Variants in QRICH2 observed in about 807,000 individuals in gnomAD.
The protein encoded by QRICH2 is glutamine rich 2.
A neutral mutation model predicts 168.3 loss-of-function variants in QRICH2; 119 were observed. The ratio of observed to expected loss-of-function variants is 0.71; its 90% CI spans 0.61 to 0.82. The LOEUF is 0.82. QRICH2 is among the 40% of genes least tolerant of loss of function. QRICH2 has a pLI of 0.00. For synonymous variants in QRICH2, 894 were observed against 951.2 expected (o/e 0.94, Z 1.11); for missense variants, 2,241 against 2,491.6 (o/e 0.90, Z 2.14).
upstream of QRICH2, chr17:76,308,519 T>C (rs1487701005): frequency 4.1e-6 from 4 of 984,670 alleles, no homozygotes; most frequent in African/African-American, 7.0e-5. Context: ...CTGGCAACCA[T>C]GCTTTGTGTC....
chr17:76,290,177 C>G, intron 4 of QRICH2, 100 bp from the exon 5 acceptor site: 2 of 790,624 alleles, frequency 2.5e-6, no homozygotes, highest in Middle Eastern at 2.6e-4. Context: ...CCCTAGAGGA[C>G]AGCAGGACCT....
chr17:76,308,569 TGGCCCCATGTCTAA>T (rs1256484555), upstream of QRICH2: 27 of 809,946 alleles, frequency 3.3e-5, no homozygotes, highest in Non-Finnish European at 3.9e-5. Context: ...CCCATGTCTA[TGGCCCCATGTCTAA>T]GGGATGCAGT....
In QRICH2 at chr17:76,275,925, C is replaced by G; in HGVS notation, c.5376G>C (p.Lys1792Asn). 1 of 1,608,708 alleles carries G rather than the reference C, an allele frequency of 6.2e-7. No individual in the cohort carries two copies. The highest frequency in any genetic ancestry group is 8.5e-7 in the Non-Finnish European group (1 of 1,179,920). The change falls in exon 18 of 19, where the codon AAG becomes AAC. Residue 1792 changes from lysine to asparagine, a missense_variant. Lys to Asn is a moderately conservative substitution (Grantham distance 94). Coordinates refer to ENST00000680821, the MANE Select transcript of QRICH2 (RefSeq NM_001388453.1). ...GCACGTGGGGCCTGGGCTGCTGGGA[C>G]TTGCGCTTTGAGGTCCCTGAGCCTG... ...RKDSSGTSKR[K>N]SQQPRPHVHR...
At position 76,293,823 on chromosome 17, in the gene QRICH2, C is replaced by T; in HGVS notation, c.904G>A (p.Glu302Lys). The change falls in exon 4 of 19, where the codon GAA (glutamate) becomes AAA (lysine). Residue 302 changes from glutamate to lysine, a missense_variant. Transcript: ENST00000680821. ...AHPSDGVSSR[E>K]QSKVPSGTGR... is the part of the protein sequence containing the mutation. ...GTACCAGAGGGGACCTTGCTTTGTT[C>T]CCTACTGGAAACCCCATCAGAGGGG... 6.2e-7 allele frequency: 1 copy of T among 1,614,026 alleles called. No individual in the cohort carries two copies.
rs930005598 is a variant in QRICH2, at chr17:76,287,850, T to C, written c.3846A>G (p.Ala1282=). Residue 1282 remains alanine (A), a synonymous_variant, in exon 6 of 19, where the codon GCA becomes GCG. Transcript: ENST00000680821. The part of the protein sequence containing the change: ...RILEGEGNQE[A]GKELKAGELR... ...GCTCTCCAGCTTTCAGTTCCTTCCC[T>C]GCTTCTTGATTCCCTTCCCCTTCCA... 2 of 1,614,134 alleles carry C rather than the reference T, an allele frequency of 1.2e-6. No homozygotes were observed. Among genetic ancestry groups the C allele is most frequent in the Admixed American group, 1.7e-5 (1 of 60,006 alleles).
chr17:76,299,631 G>C (rs1325724549), intron 3 of QRICH2, among the ~76,000 whole-genome samples: 2 of 151,788 alleles, frequency 1.3e-5, no homozygotes, highest in Non-Finnish European at 2.9e-5. Context: ...CAGCTACTCG[G>C]GAGACTGAGG....
chr17:76,296,257 C>T (rs571714226), intron 3 of QRICH2, among the ~76,000 whole-genome samples: 7 of 152,184 alleles, frequency 4.6e-5, no homozygotes, highest in African/African-American at 9.6e-5. Context: ...AGCTATGAAA[C>T]GGTGGTTTCC....
intron 15 of QRICH2, among the ~76,000 whole-genome samples, chr17:76,277,667 C>T (rs529119819): frequency 3.3e-5 from 5 of 152,148 alleles, no homozygotes; most frequent in African/African-American, 4.8e-5. Flanking sequence ...CATGCACACA[C>T]ACACACGTAC....
intron 14 of QRICH2, among the ~76,000 whole-genome samples, chr17:76,278,562 C>G (rs2070730917): frequency 6.6e-6 from 1 of 152,224 alleles, no homozygotes; most frequent in African/African-American, 2.4e-5. Flanking sequence ...GGACTCCCAT[C>G]CTTAGGAGAA....
intron 4 of QRICH2, 21 bp downstream of exon 4, chr17:76,290,994 C>A: frequency 6.2e-7 from 1 of 1,603,654 alleles, no homozygotes; most frequent in South Asian, 1.1e-5. Flanking sequence ...GGTTTCTCCT[C>A]TATCGGCAAG....
Position 76,308,044 on chromosome 17 carries a change from A to G in QRICH2, c.-46T>C, listed in dbSNP as rs1473388990. On this transcript the variant is annotated 5_prime_UTR_variant, in exon 1 of 19. Coordinates refer to ENST00000680821, the MANE Select transcript of QRICH2 (RefSeq NM_001388453.1). Reference sequence around the variant, plus strand: ...CGCCGCCGCGGGGCGCCGGCCAACCACTTCCCGCTCACTGCACGCCGCGCC... The same window carrying G: ...CGCCGCCGCGGGGCGCCGGCCAACCGCTTCCCGCTCACTGCACGCCGCGCC... 8.1e-7 allele frequency: 1 copy of G among 1,231,140 alleles called. No individual in the cohort carries two copies. The highest frequency in any genetic ancestry group is 1.6e-5 in the African/African-American group (1 of 64,302). 76.3% of individuals were successfully genotyped at this position (1,231,140 alleles called of 1,614,324 possible).
At chr17:76,290,174 G>A in intron 4 of QRICH2, 97 bp from the exon 5 acceptor site, 1 of 803,030 alleles carries the variant, frequency 1.2e-6, no homozygotes, top group Non-Finnish European at 2.1e-6. Flanking sequence ...CTACCCTAGA[G>A]GACAGCAGGA....
At chr17:76,279,307 GGGA>G (rs2070744610) in intron 13 of QRICH2, 53 bp downstream of exon 13, 15 of 1,468,446 alleles carry the variant, frequency 1.0e-5, no homozygotes, top group African/African-American at 1.4e-5. Flanking sequence ...CACAGGTGAA[GGGA>G]GGAGACGCAG....
rs773006478 is a variant in QRICH2, at chr17:76,293,679, A to G, written c.1048T>C (p.Ser350Pro). 6.2e-7 allele frequency: 1 copy of G among 1,614,084 alleles called. No homozygotes were observed. Among genetic ancestry groups the G allele is most frequent in the South Asian group, 1.1e-5 (1 of 91,080 alleles). Residue 350 changes from serine to proline, a missense_variant, in exon 4 of 19, where the codon TCG becomes CCG. Around this residue, in one of 3 missense-constraint regions of QRICH2, gnomAD observed 2,047 missense variants for 2,303.8 expected, o/e 0.89. Coordinates refer to ENST00000680821, the MANE Select transcript of QRICH2 (RefSeq NM_001388453.1). ...CGTGCATTTCTTCTTGGTTGTGTCG[A>G]GGTAAGCTTCTCTCTACTCCTGTGA... ...DRHRSREKLT[S>P]TQPRRNARPG...
intron 4 of QRICH2, 44 bp downstream of exon 4, chr17:76,290,971 A>G: frequency 6.3e-7 from 1 of 1,586,076 alleles, no homozygotes; most frequent in Non-Finnish European, 8.6e-7. Flanking sequence ...AACCAACTGA[A>G]AACAGAGACA....
chr17:76,310,793 T>G (rs1462605715), upstream of QRICH2: 1 of 151,914 alleles, frequency 6.6e-6, no homozygotes, highest in African/African-American at 2.4e-5. Flanking sequence ...TTTTAAAGAT[T>G]TAAAATACAG....
intron 3 of QRICH2, among the ~76,000 whole-genome samples, chr17:76,297,225 G>A (rs2070811027): frequency 6.6e-6 from 1 of 152,200 alleles, no homozygotes; most frequent in African/African-American, 2.4e-5. Context: ...ACAAAAATAT[G>A]GCCGGGTGTG....
At chr17:76,296,015 G>A (rs1362013880) in intron 3 of QRICH2, among the ~76,000 whole-genome samples, 1 of 152,162 alleles carries the variant, frequency 6.6e-6, no homozygotes, top group East Asian at 1.9e-4. Context: ...ATGAGGTCAG[G>A]AGTTCAAGAC....
Position 76,280,113 on chromosome 17 carries a change from C to T in QRICH2, c.4668G>A (p.Glu1556=). 6.2e-7 allele frequency: 1 copy of T among 1,613,918 alleles called. No individual in the cohort carries two copies. ...LELDPVKQLL[E]DRWKSLRQQL... ...GCTGTCGCAGCGATTTCCACCGATC[C>T]TCCAGCAACTGCTTCACTGGGTCCA... Residue 1556 remains glutamate (E), a synonymous_variant, in exon 12 of 19, where the codon GAG becomes GAA. Transcript: ENST00000680821. This position sits in a 1 kb window ranked among gnomAD's most constrained non-coding sequence, Gnocchi z 7.4.
Sources: allele counts gnomAD v4.1 joint callset (sites outside exome capture counted in the v4.1 genomes callset), GRCh38; gene constraint gnomAD v4.1.1; regional missense constraint gnomAD v4.1.1; non-coding constraint Gnocchi (gnomAD v3.1); transcripts MANE v1.5; gene names NCBI Gene and HGNC (gene_info 2026-07-23, HGNC 2026-07-21).